The following TK2 variants were observed in gnomAD, a reference collection of about 807,000 sequenced individuals.
TK2 encodes thymidine kinase 2, mitochondrial.
Under a neutral mutation model 41.9 loss-of-function variants are expected in TK2, and 35 were observed. The ratio of observed to expected loss-of-function variants is 0.84; its 90% CI spans 0.64 to 1.11. The LOEUF is 1.11. Ranked by LOEUF, TK2 falls within the 50% of genes least tolerant of loss-of-function variation. The pLI is 0.00. For synonymous variants in TK2, 128 were observed against 129.1 expected, an observed-to-expected ratio of 0.99 and a Z score of 0.06; for missense variants, 320 against 351.1, an observed-to-expected ratio of 0.91 and a Z score of 0.71.
At chr16:66,522,902 T>C (rs934403800) in intron 6 of TK2, among the ~76,000 whole-genome samples, 10 of 152,258 alleles carry the variant, frequency 6.6e-5, no homozygotes, top group Admixed American at 4.6e-4. Context: ...TTAAGGATAC[T>C]GTGTAACTGG....
chr16:66,518,899 A>G (rs1231401674), intron 6 of TK2, among the ~76,000 whole-genome samples: 2 of 151,594 alleles, frequency 1.3e-5, no homozygotes, highest in South Asian at 2.1e-4. Context: ...TTAACAACAC[A>G]TTACTTCTCA....
chr16:66,533,305 C>T (rs1965175294), intron 4 of TK2, among the ~76,000 whole-genome samples: 1 of 134,916 alleles, frequency 7.4e-6, no homozygotes, highest in Admixed American at 9.0e-5. Flanking sequence ...CACTGTACTC[C>T]AGCCTGGGTG....
chr16:66,547,458 C>T (rs983543580), intron 2 of TK2, among the ~76,000 whole-genome samples: 1 of 152,182 alleles, frequency 6.6e-6, no homozygotes, highest in South Asian at 2.1e-4. Flanking sequence ...CCAGCCACCT[C>T]TCTAGGGACT....
At chr16:66,533,702 G>A (rs1965189086) in intron 4 of TK2, among the ~76,000 whole-genome samples, 1 of 152,052 alleles carries the variant, frequency 6.6e-6, no homozygotes, top group Admixed American at 6.6e-5. Context: ...GTAGCAGGTG[G>A]TGCCTTTAAG....
intron 2 of TK2, chr16:66,546,684 G>A (rs1312914559): frequency 6.7e-6 from 1 of 149,570 alleles, no homozygotes; most frequent in Admixed American, 6.6e-5. Flanking sequence ...TCAAAAACAT[G>A]GTTTTTAATG....
rs756900455 is a variant in TK2 at position 66,533,792 on chromosome 16, G to T, written c.286-2323C>A. Among the ~76,000 whole-genome samples the T allele has an allele frequency of 9.9e-5, 15 of 152,084 alleles. No individual in the cohort carries two copies. The East Asian group carries it at 1.9e-3, about 20-fold the overall frequency. On this transcript the variant is annotated intron_variant, in intron 4 of 9. Coordinates refer to ENST00000544898, the MANE Select transcript of TK2 (RefSeq NM_004614.5). ...GGAGGCCGAGGTGCGCGGATCACGA[G>T]GTCAGGAGATGGAGACCATCCTGGC...
intron 4 of TK2, among the ~76,000 whole-genome samples, chr16:66,534,988 C>T (rs1965230844): frequency 6.6e-6 from 1 of 152,134 alleles, no homozygotes; most frequent in African/African-American, 2.4e-5. Context: ...CGGCCTTTTC[C>T]TCATTTTTGC....
Position 66,513,032 on chromosome 16 carries a change from A to G in TK2, c.699+699T>C, listed in dbSNP as rs553501575. Reference sequence around the variant, plus strand: ...ATGTAACCATCTTAGGTTCCCTCCAATCAAGACTCGGAGGGACCCCAGACT... The same window carrying G: ...ATGTAACCATCTTAGGTTCCCTCCAGTCAAGACTCGGAGGGACCCCAGACT... On this transcript the variant is annotated intron_variant, in intron 9 of 9. Transcript: ENST00000544898. Among the ~76,000 whole-genome samples the G allele has an allele frequency of 3.3e-5, 5 of 152,192 alleles. No individual in the cohort carries two copies. In the South Asian group the frequency reaches 8.3e-4, roughly 25 times the overall value.
intron 2 of TK2, among the ~76,000 whole-genome samples, chr16:66,543,671 C>T (rs781634700): frequency 4.6e-5 from 7 of 152,176 alleles, no homozygotes; most frequent in Non-Finnish European, 8.8e-5. Flanking sequence ...TTAGAATTCA[C>T]ATCCAGGCCC....
rs909896192 is a variant in TK2, at chr16:66,549,809, C to T, written c.124+129G>A. On this transcript the variant is annotated intron_variant, in intron 1 of 9. Coordinates refer to ENST00000544898, the MANE Select transcript of TK2 (RefSeq NM_004614.5). ...GGCCGATGGCCGCCCCCGTCCCAGC[C>T]GCAGCCGGGGAGGAAATCCCGCGCC... 6.2e-6 allele frequency: 8 copies of T among 1,287,006 alleles called. No individual in the cohort carries two copies. The East Asian group carries it at 9.6e-5, about 15-fold the overall frequency. 79.7% of individuals were successfully genotyped at this position (1,287,006 alleles called of 1,614,324 possible). A position where few individuals can be genotyped will look rare whatever the true frequency, so the allele number is the denominator to read the frequency against.
At chr16:66,520,198 C>T (rs998529925) in intron 6 of TK2, among the ~76,000 whole-genome samples, 3 of 152,114 alleles carry the variant, frequency 2.0e-5, no homozygotes, top group Non-Finnish European at 4.4e-5. Context: ...GAAGGAAATC[C>T]TACAGCATTG....
intron 6 of TK2, among the ~76,000 whole-genome samples, chr16:66,525,190 C>T (rs893385772): frequency 1.3e-5 from 2 of 152,246 alleles, no homozygotes; most frequent in East Asian, 3.9e-4. Context: ...ACAAGTGAAT[C>T]ACTTGCCCTG....
chr16:66,529,070 A>G lies in TK2; in HGVS notation c.376-3T>C, dbSNP rs1415022132. On this transcript the variant is annotated splice_region_variant and splice_polypyrimidine_tract_variant and intron_variant, in intron 5 of 9. Coordinates refer to ENST00000544898, the MANE Select transcript of TK2 (RefSeq NM_004614.5). Reference sequence around the variant, plus strand: ...TCCATCAACCGTACAGATGACACCTAAAGGAAAACAAAAAGAGAATCACTA... The same window carrying G: ...TCCATCAACCGTACAGATGACACCTGAAGGAAAACAAAAAGAGAATCACTA... The G allele has an allele frequency of 6.2e-7, 1 of 1,613,884 alleles. No homozygotes were observed. The highest frequency in any genetic ancestry group is 2.2e-5 in the East Asian group (1 of 44,876).
chr16:66,516,101 A>G (rs1964604392), intron 8 of TK2, among the ~76,000 whole-genome samples: 1 of 145,230 alleles, frequency 6.9e-6, no homozygotes, highest in South Asian at 2.4e-4. Flanking sequence ...AAAAGCTCAC[A>G]TTAGTGAGGG....
At chr16:66,516,492 C>A (rs192309684) in intron 8 of TK2, among the ~76,000 whole-genome samples, 1 of 152,106 alleles carries the variant, frequency 6.6e-6, no homozygotes, top group African/African-American at 2.4e-5. Context: ...GGAAATTGCA[C>A]GAGTGGTGAT....
At chr16:66,522,047 G>A (rs1236608337) in intron 6 of TK2, among the ~76,000 whole-genome samples, 3 of 152,162 alleles carry the variant, frequency 2.0e-5, no homozygotes, top group Non-Finnish European at 4.4e-5. Flanking sequence ...GTTTATAGAA[G>A]AAACCTGAGG....
intron 1 of TK2, 103 bp from the exon 2 acceptor site, chr16:66,549,112 C>A: frequency 3.8e-6 from 6 of 1,576,014 alleles, no homozygotes; most frequent in Non-Finnish European, 5.2e-6. Flanking sequence ...ATGCTCACTC[C>A]CTGGCCTAAA....
chr16:66,541,062 C>T (rs1023790106), intron 3 of TK2, among the ~76,000 whole-genome samples: 2 of 152,336 alleles, frequency 1.3e-5, no homozygotes, highest in African/African-American at 2.4e-5. Context: ...AAATTCCACA[C>T]ATAAATACTT....
chr16:66,550,267 T>C, upstream of TK2: 1 of 1,593,288 alleles, frequency 6.3e-7, no homozygotes, highest in Non-Finnish European at 8.5e-7. Flanking sequence ...GCTAGGACGC[T>C]GGCAGAACGC....
Sources: allele counts gnomAD v4.1 joint callset (sites outside exome capture counted in the v4.1 genomes callset), GRCh38; gene constraint gnomAD v4.1.1; transcripts MANE v1.5; gene names NCBI Gene and HGNC (gene_info 2026-07-23, HGNC 2026-07-21).